The following ANKFN1 variants were observed in gnomAD, a reference collection of about 807,000 sequenced individuals.
ANKFN1 encodes ankyrin repeat and fibronectin type-III domain-containing protein 1.
Under a neutral mutation model 108.7 loss-of-function variants are expected in ANKFN1, and 74 were observed. The ratio of observed to expected loss-of-function variants is 0.68; its 90% CI spans 0.56 to 0.83. ANKFN1 has a LOEUF of 0.83. Among genes scored for constraint, ANKFN1 ranks in the 40% least tolerant of loss-of-function variants. The pLI is 0.00. For missense variants in ANKFN1, 1,505 were observed against 1,382.3 expected (o/e 1.09, Z -1.41); for synonymous variants, 547 against 516.2 (o/e 1.06, Z -0.81).
chr17:56,049,730 T>C (rs1904741902), intron 4 of ANKFN1, among the ~76,000 whole-genome samples: 1 of 149,264 alleles, frequency 6.7e-6, no homozygotes, highest in Admixed American at 6.6e-5. Flanking sequence ...CTCATCATTT[T>C]TTATGGCTGC....
chr17:56,065,049 G>A (rs1229431516), intron 4 of ANKFN1, among the ~76,000 whole-genome samples: 5 of 152,282 alleles, frequency 3.3e-5, no homozygotes, highest in Middle Eastern at 3.4e-3. Context: ...CAGCTGCCTA[G>A]TCAGTTCTGA....
intron 4 of ANKFN1, among the ~76,000 whole-genome samples, chr17:56,115,162 A>G (rs1431318): frequency 0.64 from 96,777 of 152,168 alleles, 31,378 homozygotes; most frequent in East Asian, 0.81. Flanking sequence ...ATGGAAATAT[A>G]TTGTGCCATT....
chr17:56,080,398 T>G (rs1473945136), intron 4 of ANKFN1, among the ~76,000 whole-genome samples: 1 of 152,236 alleles, frequency 6.6e-6, no homozygotes, highest in Admixed American at 6.5e-5. Context: ...AAGGGAATTA[T>G]TAAAGAAATT....
intron 1 of ANKFN1, among the ~76,000 whole-genome samples, chr17:56,155,368 G>A (rs1567808094): frequency 6.6e-6 from 1 of 152,208 alleles, no homozygotes; most frequent in East Asian, 1.9e-4. Flanking sequence ...TCTCACTGCT[G>A]AGAGGTCTGA....
intron 4 of ANKFN1, among the ~76,000 whole-genome samples, chr17:56,051,986 C>T (rs1598083082): frequency 6.8e-6 from 1 of 146,072 alleles, no homozygotes; most frequent in East Asian, 2.0e-4. Context: ...TGAAAATGGC[C>T]ATACTGCCCA....
intron 3 of ANKFN1, among the ~76,000 whole-genome samples, chr17:56,259,949 CTT>C: frequency 6.6e-6 from 1 of 151,502 alleles, no homozygotes; most frequent in Non-Finnish European, 1.5e-5. Flanking sequence ...CACACACACT[CTT>C]TTCAAATTAC....
chr17:56,065,103 G>A (rs900696808), intron 4 of ANKFN1, among the ~76,000 whole-genome samples: 2 of 152,152 alleles, frequency 1.3e-5, no homozygotes, highest in African/African-American at 2.4e-5. Flanking sequence ...GGATCCTCAT[G>A]CTTATTATGG....
chr17:56,369,649 T>A (rs770866658), intron 6 of ANKFN1, among the ~76,000 whole-genome samples: 5 of 152,206 alleles, frequency 3.3e-5, no homozygotes, highest in Non-Finnish European at 7.3e-5. Context: ...GTTATATAGG[T>A]CATTAATAAT....
At chr17:56,200,013 C>T (rs568188236) in intron 1 of ANKFN1, among the ~76,000 whole-genome samples, 14 of 152,228 alleles carry the variant, frequency 9.2e-5, no homozygotes, top group African/African-American at 1.9e-4. Flanking sequence ...TCATATCCTA[C>T]GAAGCTACTG....
At chr17:56,274,635 C>T (rs772646463) in intron 3 of ANKFN1, among the ~76,000 whole-genome samples, 57 of 152,080 alleles carry the variant, frequency 3.7e-4, no homozygotes, top group Non-Finnish European at 6.8e-4. Flanking sequence ...TCTGTCTCAC[C>T]CTATTAGAGG....
intron 3 of ANKFN1, among the ~76,000 whole-genome samples, chr17:56,288,908 A>G (rs890638023): frequency 6.6e-6 from 1 of 152,196 alleles, no homozygotes; most frequent in African/African-American, 2.4e-5. Context: ...TGCTGCTTCC[A>G]TGAATTTAAT....
rs549295138 is a variant in ANKFN1, at chr17:56,167,882, A to G, written c.-71+14352A>G. Among the ~76,000 whole-genome samples the G allele has an allele frequency of 3.1e-4, 47 of 152,324 alleles. No homozygotes were observed. In the South Asian group the frequency reaches 4.4e-3, roughly 14 times the overall value. Reference sequence around the variant, plus strand: ...CACAGAAGTGACCTATGTCACTTTTAGTCATAGACCCAACCTCAGTGGGCC... The same window carrying G: ...CACAGAAGTGACCTATGTCACTTTTGGTCATAGACCCAACCTCAGTGGGCC... On this transcript the variant is annotated intron_variant, in intron 1 of 20. Transcript: ENST00000682825.
At chr17:56,272,221 T>C (rs2043811590) in intron 3 of ANKFN1, among the ~76,000 whole-genome samples, 1 of 152,164 alleles carries the variant, frequency 6.6e-6, no homozygotes, top group Non-Finnish European at 1.5e-5. Context: ...ATTGATATGA[T>C]TGTACAACTA....
At chr17:56,220,824 AAGGAAGGG>A (rs1390909456) in intron 2 of ANKFN1, among the ~76,000 whole-genome samples, 1 of 50,238 alleles carries the variant, frequency 2.0e-5, no homozygotes, top group African/African-American at 1.9e-4. Context: ...GGAAGGAAGG[AAGGAAGGG>A]AGGAAGGGAG....
intron 15 of ANKFN1, among the ~76,000 whole-genome samples, chr17:56,468,099 A>G (rs2050193056): frequency 6.6e-6 from 1 of 152,218 alleles, no homozygotes; most frequent in Non-Finnish European, 1.5e-5. Flanking sequence ...CCCTTGGCAC[A>G]CAGCTAGAAA....
chr17:56,322,576 A>G (rs2045402392), intron 3 of ANKFN1, among the ~76,000 whole-genome samples: 1 of 152,154 alleles, frequency 6.6e-6, no homozygotes, highest in African/African-American at 2.4e-5. Context: ...TCTTCCCTGC[A>G]TTATTCACTC....
At chr17:56,207,939 T>C (rs1010757513) in intron 1 of ANKFN1, among the ~76,000 whole-genome samples, 15 of 152,174 alleles carry the variant, frequency 9.9e-5, no homozygotes, top group African/African-American at 1.7e-4. Context: ...CTTGTACCCA[T>C]CAGCGCAAAA....
At chr17:56,125,998 C>T (rs1001451087) in intron 4 of ANKFN1, among the ~76,000 whole-genome samples, 1 of 152,124 alleles carries the variant, frequency 6.6e-6, no homozygotes, top group African/African-American at 2.4e-5. Context: ...CAAATTTGCA[C>T]GGGGAAGCAT....
intron 6 of ANKFN1, among the ~76,000 whole-genome samples, chr17:56,358,539 C>T (rs528525410): frequency 2.6e-5 from 4 of 152,320 alleles, no homozygotes; most frequent in Admixed American, 6.5e-5. Context: ...ACTCATTAGA[C>T]GAATCTACTA....
Sources: allele counts gnomAD v4.1 joint callset (sites outside exome capture counted in the v4.1 genomes callset), GRCh38; gene constraint gnomAD v4.1.1; transcripts MANE v1.5; gene names NCBI Gene and HGNC (gene_info 2026-07-23, HGNC 2026-07-21).